The following ARID1B variants were observed in gnomAD, a reference collection of about 807,000 sequenced individuals.
ARID1B encodes the protein AT-rich interaction domain 1B, also known as AT-rich interactive domain-containing protein 1B.
In ARID1B, 30 loss-of-function variants were observed where a neutral mutation model predicts 212.3. That is an observed-to-expected ratio of 0.14 (90% CI 0.11 to 0.19). The LOEUF (loss-of-function observed/expected upper bound fraction) is 0.19. ARID1B is among the 10% of genes least tolerant of loss of function. ARID1B has a pLI of 1.00. For synonymous variants in ARID1B, 1,402 were observed against 1,301.7 expected (o/e 1.08, Z -1.66); for missense variants, 2,891 against 3,204.0 (o/e 0.90, Z 2.36).
intron 1 of ARID1B, among the ~76,000 whole-genome samples, chr6:156,798,841 ATGT>A (rs1780575987): frequency 6.6e-6 from 1 of 152,180 alleles, no homozygotes; most frequent in East Asian, 1.9e-4. Flanking sequence ...GCATGAGTAA[ATGT>A]TGTTAATTGT....
intron 4 of ARID1B, among the ~76,000 whole-genome samples, chr6:157,029,781 C>T (rs1780910432): frequency 6.6e-6 from 1 of 152,164 alleles, no homozygotes; most frequent in Non-Finnish European, 1.5e-5. Context: ...GGACCGAGGA[C>T]CTGCAAGGCA....
At chr6:157,029,807 G>A (rs185032926) in intron 4 of ARID1B, among the ~76,000 whole-genome samples, 1 of 152,320 alleles carries the variant, frequency 6.6e-6, no homozygotes, top group Non-Finnish European at 1.5e-5. Context: ...GAGCCACGTG[G>A]TTTAGCTTCT....
intron 2 of ARID1B, among the ~76,000 whole-genome samples, chr6:156,842,211 C>G (rs756909218): frequency 6.6e-6 from 1 of 152,180 alleles, no homozygotes; most frequent in Admixed American, 6.5e-5. Context: ...CCTCCTCTGT[C>G]TAGTTCCAAC....
intron 4 of ARID1B, among the ~76,000 whole-genome samples, chr6:157,078,087 A>G (rs942465511): frequency 2.6e-5 from 4 of 152,196 alleles, no homozygotes; most frequent in African/African-American, 9.7e-5. Context: ...GTGGGTAGGA[A>G]GAGTCTTAAG....
intron 4 of ARID1B, among the ~76,000 whole-genome samples, chr6:157,063,387 C>T (rs1783473803): frequency 6.6e-6 from 1 of 152,134 alleles, no homozygotes; most frequent in African/African-American, 2.4e-5. Context: ...GAAACAGCCT[C>T]ACAGGTTAGG....
In ARID1B at chr6:157,064,082, A is replaced by G. The variant is rs575956407; in HGVS notation, c.2248-20580A>G. Among the ~76,000 whole-genome samples the G allele has an allele frequency of 2.6e-5, 4 of 152,362 alleles. No individual in the cohort carries two copies. The South Asian group carries it at 8.3e-4, about 32-fold the overall frequency. On this transcript the variant is annotated intron_variant, in intron 4 of 19. Coordinates refer to ENST00000636930, the MANE Select transcript of ARID1B (RefSeq NM_001374828.1). ...AGCCGGAAACCTGCATCTCCACAGT[A>G]GGAATCCCATTCTGGTTGTGCAGTC...
At chr6:157,091,236 AT>A (rs1785259856) in intron 5 of ARID1B, among the ~76,000 whole-genome samples, 1 of 152,148 alleles carries the variant, frequency 6.6e-6, no homozygotes, top group Non-Finnish European at 1.5e-5. Context: ...GCCATAATGA[AT>A]CTGTGCCCCT....
chr6:156,934,424 GTGTT>G (rs1791994439), intron 3 of ARID1B, among the ~76,000 whole-genome samples: 1 of 152,134 alleles, frequency 6.6e-6, no homozygotes, highest in African/African-American at 2.4e-5. Context: ...TCTTGGAAGA[GTGTT>G]TGACAAGATG....
At chr6:156,835,147 G>A (rs1377113778) in intron 2 of ARID1B, among the ~76,000 whole-genome samples, 1 of 151,378 alleles carries the variant, frequency 6.6e-6, no homozygotes, top group Non-Finnish European at 1.5e-5. Flanking sequence ...AGCTGAGGCA[G>A]GAGTATGGTG....
intron 3 of ARID1B, among the ~76,000 whole-genome samples, chr6:156,924,350 T>G (rs758612095): frequency 6.6e-6 from 1 of 152,250 alleles, no homozygotes; most frequent in Non-Finnish European, 1.5e-5. Context: ...TTTCTTTGCT[T>G]ATTAAGTCAA....
intron 3 of ARID1B, among the ~76,000 whole-genome samples, chr6:156,905,881 T>A (rs1362020198): frequency 6.6e-6 from 1 of 152,250 alleles, no homozygotes; most frequent in Non-Finnish European, 1.5e-5. Flanking sequence ...TAATGGGATC[T>A]TCTGTGAAAC....
At chr6:156,960,269 A>G (rs1281829928) in intron 4 of ARID1B, among the ~76,000 whole-genome samples, 1 of 151,942 alleles carries the variant, frequency 6.6e-6, no homozygotes, top group East Asian at 1.9e-4. Flanking sequence ...CAAAACAGAA[A>G]TTTCTGGGTT....
chr6:156,997,504 ATTATC>A (rs1358337540), intron 4 of ARID1B, among the ~76,000 whole-genome samples: 1 of 152,158 alleles, frequency 6.6e-6, no homozygotes, highest in Non-Finnish European at 1.5e-5. Flanking sequence ...GTTTTCTCTT[ATTATC>A]TTATTAAATA....
At chr6:156,857,306 G>A (rs577746024) in intron 2 of ARID1B, among the ~76,000 whole-genome samples, 1 of 152,320 alleles carries the variant, frequency 6.6e-6, no homozygotes, top group Non-Finnish European at 1.5e-5. Flanking sequence ...GCAATTTCAA[G>A]AGAGTGTCAG....
chr6:157,108,552 GGACTATA>G (rs2128512126), intron 5 of ARID1B, among the ~76,000 whole-genome samples: 1 of 152,244 alleles, frequency 6.6e-6, no homozygotes, highest in South Asian at 2.1e-4. Context: ...ATTTCTAAAT[GGACTATA>G]GATTGGAGGC....
At position 157,198,925 on chromosome 6, in the gene ARID1B, C is replaced by T. The variant is rs767219585; in HGVS notation, c.4479+18C>T. On this transcript the variant is annotated intron_variant, in intron 17 of 19. Transcript: ENST00000636930. ...AGCAGCCGGTGAGTTGGCAAGTGGG[C>T]GTGGGGTGCTGTGTTTTCTGGTTCT... 6.4e-6 allele frequency: 10 copies of T among 1,573,020 alleles called. No homozygotes were observed. The Admixed American group carries it at 8.9e-5, about 14-fold the overall frequency.
At chr6:157,116,243 A>G (rs933136791) in intron 6 of ARID1B, among the ~76,000 whole-genome samples, 2 of 152,176 alleles carry the variant, frequency 1.3e-5, no homozygotes, top group Non-Finnish European at 2.9e-5. Flanking sequence ...AATGAAACTA[A>G]CAAATGCCCT....
At chr6:157,091,426 G>C (rs1562610091) in intron 5 of ARID1B, among the ~76,000 whole-genome samples, 1 of 152,184 alleles carries the variant, frequency 6.6e-6, no homozygotes, top group Non-Finnish European at 1.5e-5. Context: ...AGCCGATATA[G>C]CTGCAGATAC....
intron 1 of ARID1B, among the ~76,000 whole-genome samples, chr6:156,799,714 G>A (rs1231408865): frequency 6.6e-6 from 1 of 152,174 alleles, no homozygotes; most frequent in Non-Finnish European, 1.5e-5. Context: ...GTGACCTCAA[G>A]TGATCTGCCC....
Sources: allele counts gnomAD v4.1 joint callset (sites outside exome capture counted in the v4.1 genomes callset), GRCh38; gene constraint gnomAD v4.1.1; transcripts MANE v1.5; gene names NCBI Gene and HGNC (gene_info 2026-07-23, HGNC 2026-07-21).